The following UPP1 variants were observed in gnomAD, a reference collection of about 807,000 sequenced individuals.
UPP1 encodes uridine phosphorylase 1, also known as UPase 1.
In UPP1, 25 loss-of-function variants were observed where a neutral mutation model predicts 29.6. The ratio of observed to expected loss-of-function variants is 0.85; its 90% CI spans 0.62 to 1.18. UPP1 has a LOEUF of 1.18. Ranked by LOEUF, UPP1 falls within the 50% of genes most tolerant of loss-of-function variation. The probability of loss-of-function intolerance (pLI) is 0.00; values close to 1 mark genes in which losing one functional copy is unlikely to be tolerated. For synonymous variants in UPP1, 165 were observed against 159.8 expected (o/e 1.03, Z -0.25); for missense variants, 368 against 410.4 (o/e 0.90, Z 0.89).
In UPP1 at chr7:48,108,319, G is replaced by A; in HGVS notation, c.895G>A (p.Val299Met). 3 of 1,614,120 alleles carry A rather than the reference G, an allele frequency of 1.9e-6. No homozygotes were observed. The highest frequency in any genetic ancestry group is 2.5e-6 in the Non-Finnish European group (3 of 1,179,994). Reference sequence around the variant, plus strand: ...GTACCAGCAGAGGCCGCAGCGGCTGGTGAGCTACTTCATCAAGAAGAAACT... The same window carrying A: ...GTACCAGCAGAGGCCGCAGCGGCTGATGAGCTACTTCATCAAGAAGAAACT... ...SEYQQRPQRLVSYFIKKKLSK... is the reference protein window; with the variant it reads ...SEYQQRPQRLMSYFIKKKLSK... Residue 299 changes from valine (V) to methionine (M), a missense_variant, in exon 9 of 9, where the codon GTG becomes ATG. Coordinates refer to ENST00000395564, the MANE Select transcript of UPP1 (RefSeq NM_003364.4).
chr7:48,094,677 C>T (rs1463804942), intron 2 of UPP1, 86 bp from the exon 3 acceptor site: 2 of 1,204,772 alleles, frequency 1.7e-6, no homozygotes, highest in South Asian at 1.3e-5. Flanking sequence ...CTTCATTGCA[C>T]TGACTTTCTA....
intron 2 of UPP1, among the ~76,000 whole-genome samples, chr7:48,092,772 G>T (rs1027933594): frequency 2.0e-5 from 3 of 150,054 alleles, no homozygotes; most frequent in African/African-American, 7.4e-5. Flanking sequence ...GCATGATCTC[G>T]ACTCACTACA....
intron 4 of UPP1, 97 bp downstream of exon 4, chr7:48,099,884 C>T: frequency 1.2e-6 from 1 of 815,058 alleles, no homozygotes; most frequent in Non-Finnish European, 2.1e-6. Context: ...TGAGAGACCA[C>T]AGCTGACAGG....
At position 48,103,300 on chromosome 7, in the gene UPP1, G is replaced by A. The variant is rs781692641; in HGVS notation, c.325G>A (p.Gly109Ser). 9 of 1,613,490 alleles carry A rather than the reference G, an allele frequency of 5.6e-6. No homozygotes were observed. The highest frequency in any genetic ancestry group is 7.6e-6 in the Non-Finnish European group (9 of 1,179,536). The change falls in exon 6 of 9, where the codon GGT (glycine) becomes AGT (serine). Residue 109 changes from glycine (G) to serine (S), a missense_variant. Gly to Ser is a moderately conservative substitution (Grantham distance 56, BLOSUM62 0). Coordinates refer to ENST00000395564, the MANE Select transcript of UPP1 (RefSeq NM_003364.4). ...KVGPVLSVSH[G>S]MGIPSISIML... ...GGGTGTTTCTCCCTGGTTCCAGCAT[G>A]GTATGGGCATTCCTTCTATCTCAAT...
chr7:48,107,940 A>G lies in UPP1; in HGVS notation c.794-278A>G, dbSNP rs148203912. 3.4e-4 allele frequency among the ~76,000 whole-genome samples: 52 copies of G among 152,266 alleles called. No individual in the cohort carries two copies. In the East Asian group the frequency reaches 9.7e-3, roughly 28 times the overall value. On this transcript the variant is annotated intron_variant, in intron 8 of 8. Coordinates refer to ENST00000395564, the MANE Select transcript of UPP1 (RefSeq NM_003364.4). Reference sequence around the variant, plus strand: ...TTTCAAGGTGGTGCTTGCAGCCCTGAGCTGGTCCTGGAATGGTGAATTCCT... The same window carrying G: ...TTTCAAGGTGGTGCTTGCAGCCCTGGGCTGGTCCTGGAATGGTGAATTCCT...
At chr7:48,092,396 G>T (rs117797839) in intron 2 of UPP1, among the ~76,000 whole-genome samples, 3,779 of 152,242 alleles carry the variant, frequency 0.025, 76 homozygotes, top group Non-Finnish European at 0.033. Context: ...AGTGCCTTTT[G>T]ATAAGAAGCA....
intron 3 of UPP1, among the ~76,000 whole-genome samples, chr7:48,095,114 A>T (rs1018902249): frequency 6.6e-6 from 1 of 152,166 alleles, no homozygotes; most frequent in South Asian, 2.1e-4. Flanking sequence ...TTTTTCCTCT[A>T]TGTGCCAATT....
rs745993103 is a variant in UPP1, at chr7:48,106,967, C to T, written c.531C>T (p.Ile177=). The change falls in exon 7 of 9, where the codon ATC becomes ATT. Residue 177 remains isoleucine (I), a synonymous_variant. Coordinates refer to ENST00000395564, the MANE Select transcript of UPP1 (RefSeq NM_003364.4). ...FEQIVLGKRV[I]RKTDLNKKLV... ...AGATTGTCCTGGGGAAGCGGGTCAT[C>T]CGGAAAACGGACCTTAACAAGAAGC... 5 of 1,613,360 alleles carry T rather than the reference C, an allele frequency of 3.1e-6. No individual in the cohort carries two copies. The highest frequency in any genetic ancestry group is 2.5e-6 in the Non-Finnish European group (3 of 1,180,002).
At chr7:48,101,789 G>A in intron 4 of UPP1, 35 bp from the exon 5 acceptor site, 1 of 1,607,270 alleles carries the variant, frequency 6.2e-7, no homozygotes, top group Non-Finnish European at 8.5e-7. Context: ...GCTATAGACA[G>A]TGCACTAATG....
intron 4 of UPP1, among the ~76,000 whole-genome samples, chr7:48,101,603 A>C (rs1792424785): frequency 6.6e-6 from 1 of 152,110 alleles, no homozygotes; most frequent in Non-Finnish European, 1.5e-5. Context: ...TGTGGAGCTG[A>C]CTGCCTTTTG....
chr7:48,108,127 T>C (rs909934824), intron 8 of UPP1, 91 bp from the exon 9 acceptor site: 3 of 1,527,184 alleles, frequency 2.0e-6, no homozygotes, highest in Non-Finnish European at 2.7e-6. Context: ...GCAGAGAGGC[T>C]GCTCCTCAGA....
At chr7:48,103,999 C>A in intron 6 of UPP1, 1 of 954,922 alleles carries the variant, frequency 1.0e-6, no homozygotes, top group Non-Finnish European at 1.4e-6. Flanking sequence ...GCGGGCGGAT[C>A]ACAAGATCGG....
chr7:48,089,981 T>TA (rs1294676240), intron 1 of UPP1, among the ~76,000 whole-genome samples: 5 of 152,240 alleles, frequency 3.3e-5, no homozygotes, highest in Non-Finnish European at 7.3e-5. Context: ...GGATGATTGT[T>TA]ACGCGAGCTT....
At position 48,090,383 on chromosome 7, in the gene UPP1, C is replaced by T. The variant is rs1763107024; in HGVS notation, c.-22+19C>T. The T allele has an allele frequency of 6.6e-6, 1 of 152,276 alleles. No individual in the cohort carries two copies. Among genetic ancestry groups the T allele is most frequent in the African/African-American group, 2.4e-5 (1 of 41,474 alleles). The allele number at this position is 152,276 out of a possible 1,614,324, so 9.4% of individuals were successfully genotyped here. ...TCTGACGGTCAGTTTCAAAGAAACA[C>T]AGTCTGGGATCCGGAGTAGAAAGAG... On this transcript the variant is annotated intron_variant, in intron 2 of 8. Transcript: ENST00000395564.
At chr7:48,096,400 C>T (rs1792132509) in intron 3 of UPP1, among the ~76,000 whole-genome samples, 1 of 152,198 alleles carries the variant, frequency 6.6e-6, no homozygotes, top group Non-Finnish European at 1.5e-5. Context: ...AACTTCATTT[C>T]TACCCCAAGT....
At position 48,108,211 on chromosome 7, in the gene UPP1, T is replaced by A. The variant is rs948327552; in HGVS notation, c.794-7T>A. 2.5e-6 allele frequency: 4 copies of A among 1,611,736 alleles called. No homozygotes were observed. In the Admixed American group the frequency reaches 5.0e-5, roughly 20 times the overall value. ...CCTTGCCTTGATGTGGTCTTTGTCC[T>A]TTGCAGCGGCCGTGGTGTGTGTCAC... On this transcript the variant is annotated splice_polypyrimidine_tract_variant and splice_region_variant and intron_variant, in intron 8 of 8. Transcript: ENST00000395564.
intron 2 of UPP1, among the ~76,000 whole-genome samples, chr7:48,093,860 C>A (rs896709847): frequency 4.6e-5 from 7 of 152,054 alleles, no homozygotes; most frequent in African/African-American, 1.7e-4. Flanking sequence ...ATCTGAGATT[C>A]TAGAAAAGTG....
In UPP1 at chr7:48,089,282, C is replaced by T. The variant is rs1457530198; in HGVS notation, c.-335C>T. 6.6e-6 allele frequency: 1 copy of T among 152,370 alleles called. No individual in the cohort carries two copies. Among genetic ancestry groups the T allele is most frequent in the East Asian group, 1.9e-4 (1 of 5,174 alleles). 9.4% of individuals were successfully genotyped at this position (152,370 alleles called of 1,614,324 possible). On this transcript the variant is annotated 5_prime_UTR_variant, in exon 1 of 9. Coordinates refer to ENST00000395564, the MANE Select transcript of UPP1 (RefSeq NM_003364.4). ...GTTCCCTCATTCGAGTGCTCCGGCG[C>T]ACAGACCCGCGCCCCGCCGTCTGCG...
At chr7:48,096,792 T>A (rs1792152748) in intron 3 of UPP1, among the ~76,000 whole-genome samples, 2 of 152,288 alleles carry the variant, frequency 1.3e-5, no homozygotes, top group East Asian at 3.9e-4. Context: ...CTCTGCCTCC[T>A]GGGCTCAAGT....
Sources: gnomAD v4.1 joint callset for allele counts (sites outside exome capture counted in the v4.1 genomes callset) on GRCh38, gnomAD v4.1.1 for gene constraint, MANE v1.5 for transcripts, NCBI Gene and HGNC (gene_info 2026-07-23, HGNC 2026-07-21) for gene names.